The following MICALL2 variants were observed in gnomAD, a reference collection of about 807,000 sequenced individuals.
MICALL2 encodes MICAL like 2, also known as MICAL-like protein 2.
Under a neutral mutation model 91.1 loss-of-function variants are expected in MICALL2, and 111 were observed. The observed-to-expected ratio is 1.22, with a 90% confidence interval of 1.04 to 1.43. MICALL2 has a LOEUF of 1.43. Ranked by LOEUF, MICALL2 falls within the 40% of genes most tolerant of loss-of-function variation. The pLI is 0.00. For missense variants in MICALL2, 1,556 were observed against 1,236.0 expected, an observed-to-expected ratio of 1.26 and a Z score of -3.88; for synonymous variants, 694 against 525.3, an observed-to-expected ratio of 1.32 and a Z score of -4.39.
chr7:1,437,598 G>A lies in MICALL2; in HGVS notation c.2413C>T (p.Gln805Ter). 6.5e-7 allele frequency: 1 copy of A among 1,538,790 alleles called. No individual in the cohort carries two copies. Residue 805 changes from glutamine (Q) to a stop codon, truncating the protein, a stop_gained, in exon 14 of 17, where the codon CAG (glutamine) becomes TAG (stop). Transcript: ENST00000297508. LOFTEE classifies it high-confidence loss of function. ...ESELMYKSKA[Q>*]RLEEQQLDIE... ...TCCAGCTGCTGCTCCTCCAGACGCT[G>A]GGCCTTGGACCTGCCGCACAGACAC...
At chr7:1,440,424 G>C in intron 8 of MICALL2, 167 bp downstream of exon 8, 1 of 684,892 alleles carries the variant, frequency 1.5e-6, no homozygotes, top group Admixed American at 2.4e-5. Context: ...CCAAACCAGG[G>C]ACAGCGGCCC....
intron 3 of MICALL2, 34 bp downstream of exon 3, chr7:1,448,586 C>T: frequency 1.9e-6 from 3 of 1,611,258 alleles, no homozygotes; most frequent in Non-Finnish European, 8.5e-7. Context: ...GGGGCCTGGT[C>T]CTGCCTGGCT....
At position 1,442,636 on chromosome 7, in the gene MICALL2, C is replaced by T. The variant is rs539743627; in HGVS notation, c.1419-152G>A. 1.5e-5 allele frequency: 11 copies of T among 727,808 alleles called. No homozygotes were observed. In the East Asian group the frequency reaches 2.5e-4, roughly 16 times the overall value. The allele number at this position is 727,808 out of a possible 1,614,324, so 45.1% of individuals were successfully genotyped here. On this transcript the variant is annotated intron_variant, in intron 6 of 16. Coordinates refer to ENST00000297508, the MANE Select transcript of MICALL2 (RefSeq NM_182924.4). ...TCACCCCAGGCCACCCTCCACCTCCCCCACCATTGCGCCAGGCCACCCCTC... is the reference window on the plus strand; with the variant it reads ...TCACCCCAGGCCACCCTCCACCTCCTCCACCATTGCGCCAGGCCACCCCTC...
In MICALL2 at chr7:1,442,401, T is replaced by C. The variant is rs766472094; in HGVS notation, c.1502A>G (p.Gln501Arg). Residue 501 changes from glutamine (Q) to arginine (R), a missense_variant, in exon 7 of 17, where the codon CAG (glutamine) becomes CGG (arginine). Physicochemically the swap from Gln to Arg is conservative, Grantham distance 43 (BLOSUM62 1). Transcript: ENST00000297508. ...GCCAAGCACCCGGGGAGACGAGGAC[T>C]GTAACGGCTTGGCTAAGGGACTTGC... is the stretch of plus-strand genomic sequence containing the variant. ...PQASPLAKPL[Q>R]SSSPRVLGLP... 5.6e-6 allele frequency: 9 copies of C among 1,599,528 alleles called. No individual in the cohort carries two copies. The highest frequency in any genetic ancestry group is 7.7e-6 in the Non-Finnish European group (9 of 1,171,854).
At chr7:1,445,492 G>A (rs1780532225) in intron 5 of MICALL2, 64 bp from the exon 6 acceptor site, 14 of 1,405,356 alleles carry the variant, frequency 1.0e-5, no homozygotes, top group South Asian at 1.5e-5. Flanking sequence ...CATTCACCAC[G>A]TGCTCCTGAT....
Position 1,447,590 on chromosome 7 carries a change from G to GC in MICALL2, c.509dup (p.Pro172AlafsTer5). 6.4e-7 allele frequency: 1 copy of GC among 1,570,500 alleles called. No individual in the cohort carries two copies. The highest frequency in any genetic ancestry group is 1.2e-5 in the South Asian group (1 of 85,082). On this transcript the variant is annotated frameshift_variant, in exon 4 of 17. Transcript: ENST00000297508. LOFTEE classifies it high-confidence loss of function. ...GGGAGCTTACAGTCTTGGGGGGCGG[G>GC]CCCCCTGCACCCTCATTCCTCCTCT...
At position 1,438,955 on chromosome 7, in the gene MICALL2, G is replaced by T. The variant is rs1231769952; in HGVS notation, c.2007C>A (p.Val669=). The change falls in exon 10 of 17, where the codon GTC becomes GTA. Residue 669 remains valine, a synonymous_variant. Transcript: ENST00000297508. ...PSPPRRRRLA[V]PASLDVCDNW... Reference sequence around the variant, plus strand: ...TGTCACAAACGTCGAGGCTGGCAGGGACGGCCAGTCTCCTGCGGCGGGGTG... The same window carrying T: ...TGTCACAAACGTCGAGGCTGGCAGGTACGGCCAGTCTCCTGCGGCGGGGTG... The T allele has an allele frequency of 1.2e-6, 2 of 1,602,824 alleles. No individual in the cohort carries two copies. Among genetic ancestry groups the T allele is most frequent in the Middle Eastern group, 1.7e-4 (1 of 6,060 alleles).
chr7:1,438,982 G>A lies in MICALL2; in HGVS notation c.1980C>T (p.Ser660=), dbSNP rs753334378. The change falls in exon 10 of 17, where the codon TCC becomes TCT. Residue 660 remains serine, a synonymous_variant. Coordinates refer to ENST00000297508, the MANE Select transcript of MICALL2 (RefSeq NM_182924.4). ...CGGCCAGTCTCCTGCGGCGGGGTGGGGAGGGGGACCTGGCTGCCCCCAGGT... is the reference window on the plus strand; with the variant it reads ...CGGCCAGTCTCCTGCGGCGGGGTGGAGAGGGGGACCTGGCTGCCCCCAGGT... ...PGPSLPARSP[S]PPRRRRLAVP... is the part of the protein sequence containing the mutation. 1.9e-6 allele frequency: 3 copies of A among 1,595,312 alleles called. No individual in the cohort carries two copies. The highest frequency in any genetic ancestry group is 1.7e-5 in the Admixed American group (1 of 59,858).
Position 1,446,830 on chromosome 7 carries a change from T to C in MICALL2, c.526-2A>G. On this transcript the variant is annotated splice_acceptor_variant, in intron 4 of 16. Transcript: ENST00000297508. LOFTEE classifies it high-confidence loss of function. Reference sequence around the variant, plus strand: ...CAAGCTGCCCGCCAATGCCTGGTCCTGGGGAAGATGCCAGCACCTCTCTGA... The same window carrying C: ...CAAGCTGCCCGCCAATGCCTGGTCCCGGGGAAGATGCCAGCACCTCTCTGA... 6.3e-7 allele frequency: 1 copy of C among 1,576,144 alleles called. No individual in the cohort carries two copies. The highest frequency in any genetic ancestry group is 8.6e-7 in the Non-Finnish European group (1 of 1,160,106).
intron 16 of MICALL2, 117 bp downstream of exon 16, chr7:1,434,984 C>CTT: frequency 6.7e-6 from 3 of 449,084 alleles, no homozygotes; most frequent in Non-Finnish European, 7.7e-6. Context: ...ACCCGATACC[C>CTT]GCCCCCCCCC....
intron 6 of MICALL2, among the ~76,000 whole-genome samples, chr7:1,443,452 T>A (rs1380171060): frequency 2.0e-5 from 3 of 152,144 alleles, no homozygotes; most frequent in Non-Finnish European, 4.4e-5. Flanking sequence ...CAAGCATTCT[T>A]ACTCGCTAAG....
intron 16 of MICALL2, 51 bp from the exon 17 acceptor site, chr7:1,434,723 C>A: frequency 6.7e-7 from 1 of 1,493,796 alleles, no homozygotes; most frequent in South Asian, 1.3e-5. Flanking sequence ...AGCCGCACAG[C>A]CGTGGCCCAC....
intron 4 of MICALL2, 127 bp from the exon 5 acceptor site, chr7:1,446,955 A>C: frequency 1.5e-6 from 1 of 682,640 alleles, no homozygotes; most frequent in Non-Finnish European, 2.4e-6. Flanking sequence ...AGCCGCCAGC[A>C]GGGCTGCGGT....
chr7:1,449,900 C>A (rs968308601), intron 2 of MICALL2, among the ~76,000 whole-genome samples: 1 of 152,184 alleles, frequency 6.6e-6, no homozygotes, highest in Non-Finnish European at 1.5e-5. Flanking sequence ...ATCCACAGCC[C>A]CCCACAGCCA....
chr7:1,453,786 C>T (rs1211226460), intron 1 of MICALL2, among the ~76,000 whole-genome samples: 1 of 152,128 alleles, frequency 6.6e-6, no homozygotes, highest in African/African-American at 2.4e-5. Context: ...TATACCATGG[C>T]CCGGCTCCAA....
At position 1,440,695 on chromosome 7, in the gene MICALL2, G is replaced by C. The variant is rs1467296056; in HGVS notation, c.1712-11C>G. The stretch of plus-strand genomic sequence containing the variant: ...GGCTGGTGCTCATGTCTGGGTGGGA[G>C]GCAAGGGGTCTGGGTGTGAGGAAGG... On this transcript the variant is annotated splice_polypyrimidine_tract_variant and intron_variant, in intron 7 of 16. Coordinates refer to ENST00000297508, the MANE Select transcript of MICALL2 (RefSeq NM_182924.4). 1.2e-6 allele frequency: 2 copies of C among 1,608,666 alleles called. No homozygotes were observed.
Position 1,459,322 on chromosome 7 carries a change from G to A in MICALL2, c.5C>T (p.Ala2Val), listed in dbSNP as rs772990568. The A allele has an allele frequency of 4.5e-6, 7 of 1,538,530 alleles. No homozygotes were observed. Among genetic ancestry groups the A allele is most frequent in the Non-Finnish European group, 5.2e-6 (6 of 1,146,042 alleles). M[A>V]AIRALQQWCR... is the part of the protein sequence containing the mutation. The stretch of plus-strand genomic sequence containing the variant: ...CCACTGTTGCAGCGCCCTGATGGCC[G>A]CCATGTGGGCGGCGCGCCCGCCGCG... Residue 2 changes from alanine to valine, a missense_variant, in exon 1 of 17, where the codon GCG becomes GTG. Physicochemically the swap from Ala to Val is moderately conservative, Grantham distance 64 (BLOSUM62 0). Coordinates refer to ENST00000297508, the MANE Select transcript of MICALL2 (RefSeq NM_182924.4).
intron 4 of MICALL2, among the ~76,000 whole-genome samples, chr7:1,447,138 C>T (rs929107985): frequency 1.2e-4 from 19 of 152,140 alleles, no homozygotes; most frequent in Admixed American, 7.9e-4. Flanking sequence ...CCCACCATCC[C>T]GGGAGCCTGG....
At position 1,434,363 on chromosome 7, in the gene MICALL2, G is replaced by GGGC. The variant is rs1432749409; in HGVS notation, c.*230_*232dup. The GGGC allele has an allele frequency of 1.4e-5, 9 of 652,588 alleles. No individual in the cohort carries two copies. In the African/African-American group the frequency reaches 1.6e-4, roughly 12 times the overall value. 40.4% of individuals were successfully genotyped at this position (652,588 alleles called of 1,614,324 possible). A position where few individuals can be genotyped will look rare whatever the true frequency, so the allele number is the denominator to read the frequency against. On this transcript the variant is annotated 3_prime_UTR_variant, in exon 17 of 17. Coordinates refer to ENST00000297508, the MANE Select transcript of MICALL2 (RefSeq NM_182924.4). ...AAACACGGAGGCACGTAGGAGTCCG[G>GGGC]GGCCATGTGGTCGGTTTCTTTATTG... is the stretch of plus-strand genomic sequence containing the variant.
Sources: gnomAD v4.1 joint callset for allele counts (sites outside exome capture counted in the v4.1 genomes callset) on GRCh38, gnomAD v4.1.1 for gene constraint, MANE v1.5 for transcripts, NCBI Gene and HGNC (gene_info 2026-07-23, HGNC 2026-07-21) for gene names.